Variants in ESRRG observed in about 807,000 individuals in gnomAD.
ESRRG encodes the protein estrogen-related receptor gamma.
In ESRRG, 13 loss-of-function variants were observed where a neutral mutation model predicts 44.0. That is an observed-to-expected ratio of 0.30 (90% CI 0.19 to 0.47). The LOEUF (loss-of-function observed/expected upper bound fraction) is 0.47. ESRRG is among the 20% of genes least tolerant of loss of function. The pLI is 1.00. For missense variants in ESRRG, 395 were observed against 580.6 expected (o/e 0.68, Z 3.29); for synonymous variants, 215 against 214.6 (o/e 1.00, Z -0.02).
chr1:217,025,694 T>C (rs968834221), intron 1 of ESRRG, among the ~76,000 whole-genome samples: 1 of 152,214 alleles, frequency 6.6e-6, no homozygotes, highest in African/African-American at 2.4e-5. Context: ...AGCCCCTATC[T>C]ACTTTATAGA....
At chr1:216,622,158 T>C (rs1249590736) in intron 3 of ESRRG, among the ~76,000 whole-genome samples, 1 of 152,198 alleles carries the variant, frequency 6.6e-6, no homozygotes, top group Non-Finnish European at 1.5e-5. Context: ...GCCAAAATGA[T>C]ACTTACTATA....
At chr1:216,856,947 C>T (rs972737525) in intron 2 of ESRRG, among the ~76,000 whole-genome samples, 1 of 152,116 alleles carries the variant, frequency 6.6e-6, no homozygotes, top group African/African-American at 2.4e-5. Flanking sequence ...ACAGCCGACA[C>T]CTTATTAAGG....
chr1:216,966,497 A>C (rs954330698), intron 1 of ESRRG, among the ~76,000 whole-genome samples: 1 of 152,124 alleles, frequency 6.6e-6, no homozygotes, highest in East Asian at 1.9e-4. Context: ...ACAAGACCAG[A>C]AGGTAGAAAC....
intron 6 of ESRRG, among the ~76,000 whole-genome samples, chr1:216,515,370 C>A (rs1276214953): frequency 6.6e-6 from 1 of 151,980 alleles, no homozygotes; most frequent in Non-Finnish European, 1.5e-5. Context: ...TAAAAAGGCT[C>A]CCCTAATGGA....
At chr1:217,077,270 A>G (rs2091388726) in intron 1 of ESRRG, among the ~76,000 whole-genome samples, 2 of 152,214 alleles carry the variant, frequency 1.3e-5, no homozygotes, top group African/African-American at 4.8e-5. Flanking sequence ...AATCAGACTA[A>G]TCTGAGAGAA....
intron 2 of ESRRG, among the ~76,000 whole-genome samples, chr1:216,876,255 A>G (rs767537587): frequency 6.6e-6 from 1 of 152,218 alleles, no homozygotes; most frequent in Non-Finnish European, 1.5e-5. Context: ...AAAGAGACCC[A>G]ATAGATCTTA....
At chr1:216,702,692 G>A (rs1195583566) in intron 1 of ESRRG, among the ~76,000 whole-genome samples, 1 of 148,800 alleles carries the variant, frequency 6.7e-6, no homozygotes, top group South Asian at 2.1e-4. Context: ...CAGCAGAATC[G>A]CTTGAACCCA....
At chr1:216,698,474 A>T (rs1030738279) in intron 1 of ESRRG, among the ~76,000 whole-genome samples, 1 of 143,222 alleles carries the variant, frequency 7.0e-6, no homozygotes, top group Non-Finnish European at 1.5e-5. Flanking sequence ...AGCCGAGATC[A>T]CGCCACTGCA....
chr1:216,952,499 G>A (rs1025287268), intron 1 of ESRRG, among the ~76,000 whole-genome samples: 3 of 152,068 alleles, frequency 2.0e-5, no homozygotes, highest in Admixed American at 2.0e-4. Context: ...AGAGCACTAG[G>A]TTTGTTATTA....
At chr1:216,834,127 G>C (rs934912226) in intron 2 of ESRRG, among the ~76,000 whole-genome samples, 6 of 152,160 alleles carry the variant, frequency 3.9e-5, no homozygotes, top group Non-Finnish European at 7.3e-5. Context: ...AGGGACGGGT[G>C]CTGTGGCTCA....
intron 3 of ESRRG, among the ~76,000 whole-genome samples, chr1:216,576,827 A>T (rs2061764281): frequency 6.6e-6 from 1 of 152,042 alleles, no homozygotes; most frequent in Admixed American, 6.6e-5. Flanking sequence ...AAATTATGTC[A>T]TCTGCAACAG....
intron 2 of ESRRG, among the ~76,000 whole-genome samples, chr1:216,872,425 A>G (rs2096271576): frequency 6.6e-6 from 1 of 152,108 alleles, no homozygotes; most frequent in Admixed American, 6.5e-5. Context: ...AACTCCTACG[A>G]TGCAAATGTT....
At chr1:216,530,607 C>A (rs1459041696) in intron 5 of ESRRG, among the ~76,000 whole-genome samples, 1 of 152,106 alleles carries the variant, frequency 6.6e-6, no homozygotes, top group African/African-American at 2.4e-5. Context: ...GAACCTGGGT[C>A]ATTTCATATG....
At chr1:216,998,969 T>C (rs1054834143) in intron 1 of ESRRG, among the ~76,000 whole-genome samples, 1 of 152,228 alleles carries the variant, frequency 6.6e-6, no homozygotes, top group Non-Finnish European at 1.5e-5. Context: ...GGAGTTAGTG[T>C]GCCACTTCTA....
At chr1:216,621,694 G>C (rs922101992) in intron 3 of ESRRG, among the ~76,000 whole-genome samples, 3 of 152,198 alleles carry the variant, frequency 2.0e-5, no homozygotes, top group Non-Finnish European at 4.4e-5. Flanking sequence ...TGGCTTTGCT[G>C]TTCAGAACTG....
At chr1:216,627,413 G>A (rs1050132879) in intron 3 of ESRRG, among the ~76,000 whole-genome samples, 1 of 151,952 alleles carries the variant, frequency 6.6e-6, no homozygotes, top group Non-Finnish European at 1.5e-5. Context: ...ATGCCAGCTC[G>A]GCTTCCTCAA....
intron 1 of ESRRG, among the ~76,000 whole-genome samples, chr1:216,980,019 A>G (rs1185427947): frequency 6.6e-6 from 1 of 151,904 alleles, no homozygotes; most frequent in African/African-American, 2.4e-5. Context: ...GGACTCTTCC[A>G]TACAAAATGC....
intron 2 of ESRRG, chr1:216,862,807 C>A (rs934637689): frequency 7.2e-5 from 11 of 151,952 alleles, no homozygotes; most frequent in Admixed American, 5.9e-4. Flanking sequence ...GGGGTGAGAT[C>A]CCCGTTTATT....
chr1:216,611,701 C>G (rs1337079060), intron 3 of ESRRG, among the ~76,000 whole-genome samples: 2 of 152,008 alleles, frequency 1.3e-5, no homozygotes, highest in Non-Finnish European at 2.9e-5. Context: ...GGCCCAGAAT[C>G]TACCGGGGGA....
Sources: gnomAD v4.1 joint callset for allele counts (sites outside exome capture counted in the v4.1 genomes callset) on GRCh38, gnomAD v4.1.1 for gene constraint, MANE v1.5 for transcripts, NCBI Gene and HGNC (gene_info 2026-07-23, HGNC 2026-07-21) for gene names.